Variants in ULK2 observed in about 807,000 individuals in gnomAD.
ULK2 encodes serine/threonine-protein kinase ULK2.
In ULK2, 76 loss-of-function variants were observed where a neutral mutation model predicts 127.5. That is an observed-to-expected ratio of 0.60 (90% CI 0.50 to 0.72). The LOEUF (loss-of-function observed/expected upper bound fraction) is 0.72. Among genes scored for constraint, ULK2 ranks in the 30% least tolerant of loss-of-function variants. ULK2 has a pLI of 0.00. For synonymous variants in ULK2, 452 were observed against 461.9 expected, an observed-to-expected ratio of 0.98 and a Z score of 0.28; for missense variants, 1,144 against 1,295.9, an observed-to-expected ratio of 0.88 and a Z score of 1.80.
chr17:19,789,910 C>CAAAAAAAAAAAAAAAAAAA (rs34932017), intron 20 of ULK2, among the ~76,000 whole-genome samples: 1 of 57,668 alleles, frequency 1.7e-5, no homozygotes, highest in Non-Finnish European at 4.4e-5. Context: ...AAAAAGCTGC[C>CAAAAAAAAAAAAAAAAAAA]AAAAAAAAAA....
At chr17:19,861,532 G>C (rs1475907106) in intron 3 of ULK2, among the ~76,000 whole-genome samples, 1 of 151,430 alleles carries the variant, frequency 6.6e-6, no homozygotes, top group Non-Finnish European at 1.5e-5. Flanking sequence ...CCAACAGAAC[G>C]AGACTCCGTC....
At chr17:19,814,452 T>TGTTGTTGTTGTTTG (rs1183474234) in intron 13 of ULK2, among the ~76,000 whole-genome samples, 15 of 10,136 alleles carry the variant, frequency 1.5e-3, no homozygotes, top group African/African-American at 3.9e-3. Flanking sequence ...TTTTTTTTTT[T>TGTTGTTGTTGTTTG]TTTTTTTTTT....
chr17:19,862,030 T>C (rs1485539755), intron 3 of ULK2, among the ~76,000 whole-genome samples: 2 of 152,192 alleles, frequency 1.3e-5, no homozygotes, highest in African/African-American at 2.4e-5. Context: ...TAATCAAAAA[T>C]ATGTTCAGAA....
chr17:19,861,064 CAAAAA>C (rs200551375), intron 3 of ULK2: 9 of 138,756 alleles, frequency 6.5e-5, no homozygotes, highest in African/African-American at 2.4e-4. Flanking sequence ...GACTTCTTCT[CAAAAA>C]AAAAAAGAAA....
chr17:19,840,435 G>T, intron 9 of ULK2: 1 of 481,484 alleles, frequency 2.1e-6, no homozygotes, highest in East Asian at 5.2e-5. Flanking sequence ...CTGGTATTGT[G>T]TTTTCAAAAC....
intron 13 of ULK2, 127 bp from the exon 14 acceptor site, chr17:19,810,565 T>C (rs2087616254): frequency 5.1e-6 from 3 of 591,092 alleles, no homozygotes; most frequent in Non-Finnish European, 9.0e-6. Context: ...TGTTATGATT[T>C]CATGTATAAG....
Position 19,772,035 on chromosome 17 carries a change from C to A in ULK2, c.*4314G>T, listed in dbSNP as rs1240986142. On this transcript the variant is annotated 3_prime_UTR_variant, in exon 27 of 27. Coordinates refer to ENST00000395544, the MANE Select transcript of ULK2 (RefSeq NM_014683.4). ...GATCCCACCTGTTCAGAGCAACAGGCACGGCTTCACTCGGGACCACATGTG... is the reference window on the plus strand; with the variant it reads ...GATCCCACCTGTTCAGAGCAACAGGAACGGCTTCACTCGGGACCACATGTG... 1 of 152,514 alleles carries A rather than the reference C, an allele frequency of 6.6e-6. No individual in the cohort carries two copies. Among genetic ancestry groups the A allele is most frequent in the Non-Finnish European group, 1.5e-5 (1 of 68,166 alleles). The allele number at this position is 152,514 out of a possible 1,614,324, so 9.4% of individuals were successfully genotyped here.
chr17:19,841,400 A>AC, intron 9 of ULK2, 89 bp downstream of exon 9: 1 of 1,309,920 alleles, frequency 7.6e-7, no homozygotes. Flanking sequence ...AAAAAGAATT[A>AC]AAAAATGAGA....
intron 3 of ULK2, among the ~76,000 whole-genome samples, chr17:19,851,808 A>G (rs2152399994): frequency 6.6e-6 from 1 of 152,004 alleles, no homozygotes; most frequent in Middle Eastern, 3.4e-3. Context: ...GTCGGATTAC[A>G]ACGTCAGGAG....
At chr17:19,804,949 C>A in intron 14 of ULK2, 119 bp from the exon 15 acceptor site, 1 of 1,105,086 alleles carries the variant, frequency 9.0e-7, no homozygotes, top group Non-Finnish European at 1.2e-6. Flanking sequence ...CACTCCACTA[C>A]CTTAATAAGA....
chr17:19,865,188 G>A (rs954694447), intron 2 of ULK2, among the ~76,000 whole-genome samples: 3 of 152,140 alleles, frequency 2.0e-5, no homozygotes, highest in African/African-American at 7.2e-5. Context: ...CTTCATTGTA[G>A]AATTTTTCAG....
At chr17:19,787,582 G>A (rs1178709653) in intron 20 of ULK2, among the ~76,000 whole-genome samples, 1 of 152,180 alleles carries the variant, frequency 6.6e-6, no homozygotes, top group African/African-American at 2.4e-5. Flanking sequence ...TGATAAGTAA[G>A]AAAGTTAATA....
chr17:19,780,631 TGAAAA>T lies in ULK2; in HGVS notation c.2759-7_2759-3del. On this transcript the variant is annotated splice_polypyrimidine_tract_variant and splice_region_variant and intron_variant, in intron 24 of 26. Coordinates refer to ENST00000395544, the MANE Select transcript of ULK2 (RefSeq NM_014683.4). ...ATCGTTCGTTCAGATTCTTGACAAC[TGAAAA>T]AAAATTGAGATGGGAACTAATTTTA... The T allele has an allele frequency of 6.3e-7, 1 of 1,593,920 alleles. No individual in the cohort carries two copies.
chr17:19,850,836 A>AT (rs1451513092), intron 3 of ULK2, among the ~76,000 whole-genome samples: 2 of 151,974 alleles, frequency 1.3e-5, no homozygotes, highest in African/African-American at 2.4e-5. Context: ...TGTCTCAAAA[A>AT]ATATATATAG....
At chr17:19,861,881 C>A (rs879439143) in intron 3 of ULK2, among the ~76,000 whole-genome samples, 1 of 152,144 alleles carries the variant, frequency 6.6e-6, no homozygotes, top group Admixed American at 6.5e-5. Context: ...ATAAAATATA[C>A]CCACTGCATT....
At chr17:19,824,949 A>G (rs1354830025) in intron 12 of ULK2, 145 bp downstream of exon 12, 2 of 787,704 alleles carry the variant, frequency 2.5e-6, no homozygotes, top group Non-Finnish European at 4.1e-6. Flanking sequence ...ATTTGACCCA[A>G]CTATCATGTT....
At chr17:19,842,883 C>T (rs374481401) in intron 8 of ULK2, among the ~76,000 whole-genome samples, 9 of 152,182 alleles carry the variant, frequency 5.9e-5, no homozygotes, top group Non-Finnish European at 8.8e-5. Context: ...CTGTTAGCCC[C>T]GAACCCAACA....
At chr17:19,866,237 G>A (rs1034319417) in intron 1 of ULK2, among the ~76,000 whole-genome samples, 3 of 152,170 alleles carry the variant, frequency 2.0e-5, no homozygotes, top group Admixed American at 2.0e-4. Context: ...GCTCACACCT[G>A]TAATCCCAGC....
At position 19,825,159 on chromosome 17, in the gene ULK2, A is replaced by C; in HGVS notation, c.859T>G (p.Tyr287Asp). ...GAGCTTCCAGAGACAGAACCAGAAT[A>C]CATGGGCACTGGAACTGGGCAAGCT... ...KKSCPVPVPM[Y>D]SGSVSGSSCG... Residue 287 changes from tyrosine to aspartate, a missense_variant, in exon 12 of 27, where the codon TAT (tyrosine) becomes GAT (aspartate). Coordinates refer to ENST00000395544, the MANE Select transcript of ULK2 (RefSeq NM_014683.4). The C allele has an allele frequency of 6.2e-7, 1 of 1,614,176 alleles. No individual in the cohort carries two copies.
Sources: allele counts gnomAD v4.1 joint callset (sites outside exome capture counted in the v4.1 genomes callset), GRCh38; gene constraint gnomAD v4.1.1; transcripts MANE v1.5; gene names NCBI Gene and HGNC (gene_info 2026-07-23, HGNC 2026-07-21).